The following RIPOR1 variants were observed in gnomAD, a reference collection of about 807,000 sequenced individuals.
The protein encoded by RIPOR1 is rho family-interacting cell polarization regulator 1.
In RIPOR1, 58 loss-of-function variants were observed where a neutral mutation model predicts 116.5. That is an observed-to-expected ratio of 0.50 (90% CI 0.40 to 0.62). The LOEUF (loss-of-function observed/expected upper bound fraction) is 0.62, where lower values mean the gene tolerates loss of function less well. RIPOR1 is among the 20% of genes least tolerant of loss of function. The pLI, the probability that RIPOR1 is intolerant of heterozygous loss-of-function variation, is 0.00. For missense variants in RIPOR1, 1,372 were observed against 1,586.2 expected (o/e 0.86, Z 2.29); for synonymous variants, 605 against 650.0 (o/e 0.93, Z 1.05).
rs757159143 is a variant in RIPOR1 at position 67,542,655 on chromosome 16, C to A, written c.1869C>A (p.Thr623=). The A allele has an allele frequency of 2.5e-6, 4 of 1,613,560 alleles. No individual in the cohort carries two copies. The highest frequency in any genetic ancestry group is 3.4e-6 in the Non-Finnish European group (4 of 1,179,876). The part of the protein sequence containing the change: ...ASPTHTSTSP[T]HTPTSPTHKT... ...CCACTCATACTTCCACAAGCCCCAC[C>A]CATACCCCCACAAGTCCCACCCACA... The change falls in exon 13 of 22, where the codon ACC becomes ACA. Residue 623 remains threonine (T), a synonymous_variant. Transcript: ENST00000042381. The surrounding 1 kb of genome is among the most constrained non-coding windows in gnomAD (Gnocchi z 4.6).
chr16:67,523,521 TAAAAA>T (rs1169903442), intron 1 of RIPOR1, among the ~76,000 whole-genome samples: 1,853 of 44,002 alleles, frequency 0.042, 26 homozygotes, highest in African/African-American at 0.12. Flanking sequence ...CAAGACTCCA[TAAAAA>T]AAAAAAAAAA....
chr16:67,537,790 G>A lies in RIPOR1; in HGVS notation c.-23-634G>A, dbSNP rs1460043206. Among the ~76,000 whole-genome samples, 2 of 152,232 alleles carry A rather than the reference G, an allele frequency of 1.3e-5. No individual in the cohort carries two copies. Among genetic ancestry groups the A allele is most frequent in the East Asian group, 3.9e-4 (2 of 5,164 alleles). On this transcript the variant is annotated intron_variant, in intron 1 of 21. Coordinates refer to ENST00000042381, the MANE Select transcript of RIPOR1 (RefSeq NM_024519.4). This position sits in a 1 kb window ranked among gnomAD's most constrained non-coding sequence, Gnocchi z 4.6. Reference sequence around the variant, plus strand: ...GTGGGAGCCTCAGGAAAGAGGAGGGGGCGGGGCCCTTCTCGGCATCGCGCC... The same window carrying A: ...GTGGGAGCCTCAGGAAAGAGGAGGGAGCGGGGCCCTTCTCGGCATCGCGCC...
At chr16:67,523,540 A>C (rs1347441302) in intron 1 of RIPOR1, among the ~76,000 whole-genome samples, 3 of 150,868 alleles carry the variant, frequency 2.0e-5, no homozygotes, top group East Asian at 1.9e-4. Context: ...AAAAAAAAAA[A>C]AAAAAAAAAC....
At chr16:67,525,387 A>G (rs909212175), upstream of RIPOR1, among the ~76,000 whole-genome samples, 2 of 152,254 alleles carry the variant, frequency 1.3e-5, no homozygotes, top group African/African-American at 4.8e-5. Flanking sequence ...TGCTTGCTGT[A>G]TATCTGGCAA....
In RIPOR1 at chr16:67,540,540, C is replaced by A. The variant is rs757362192; in HGVS notation, c.675+39C>A. 4.3e-6 allele frequency: 7 copies of A among 1,613,960 alleles called. No homozygotes were observed. Among genetic ancestry groups the A allele is most frequent in the Non-Finnish European group, 5.9e-6 (7 of 1,179,998 alleles). On this transcript the variant is annotated intron_variant, in intron 9 of 21. Transcript: ENST00000042381. This position sits in a 1 kb window ranked among gnomAD's most constrained non-coding sequence, Gnocchi z 4.7. ...CAGGGAAGGGCTGGGTCGGTAGGGT[C>A]CCAACACCTAGGCTGCCTCATCCTA...
Position 67,537,364 on chromosome 16 carries a change from C to T in RIPOR1, c.-23-1060C>T. 8.2e-7 allele frequency: 1 copy of T among 1,226,560 alleles called. No homozygotes were observed. The allele number at this position is 1,226,560 out of a possible 1,614,324, so 76.0% of individuals were successfully genotyped here. On this transcript the variant is annotated intron_variant, in intron 1 of 21. Transcript: ENST00000042381. The surrounding 1 kb of genome is among the most constrained non-coding windows in gnomAD (Gnocchi z 4.6). ...AGCAGACCCCTCGCCCCCCGTCGGT[C>T]CCCTCCCCGAGGGGAACCCCAGTCA...
chr16:67,539,827 T>C lies in RIPOR1; in HGVS notation c.361-19T>C, dbSNP rs1388963214. On this transcript the variant is annotated intron_variant, in intron 5 of 21. Coordinates refer to ENST00000042381, the MANE Select transcript of RIPOR1 (RefSeq NM_024519.4). ...AGGACCCTGGGCCTCAGGCCCCTCC[T>C]GACCCACCTCTCCCCCAGCAAGTCA... The C allele has an allele frequency of 2.5e-6, 4 of 1,614,068 alleles. No homozygotes were observed. The highest frequency in any genetic ancestry group is 2.5e-6 in the Non-Finnish European group (3 of 1,180,030).
rs367603803 is a variant in RIPOR1 at position 67,545,934 on chromosome 16, C to T, written c.3388-15C>T. 4 of 1,613,770 alleles carry T rather than the reference C, an allele frequency of 2.5e-6. No homozygotes were observed. Among genetic ancestry groups the T allele is most frequent in the African/African-American group, 2.7e-5 (2 of 74,878 alleles). ...CCCACTGTCTGGCTAAGTCTGTCCTCCCACCCTTCCACAGGCCCTCCTGTG... is the reference window on the plus strand; with the variant it reads ...CCCACTGTCTGGCTAAGTCTGTCCTTCCACCCTTCCACAGGCCCTCCTGTG... On this transcript the variant is annotated splice_polypyrimidine_tract_variant and intron_variant, in intron 19 of 21. Coordinates refer to ENST00000042381, the MANE Select transcript of RIPOR1 (RefSeq NM_024519.4). The surrounding 1 kb of genome is among the most constrained non-coding windows in gnomAD (Gnocchi z 4.8).
rs2050998909 is a variant in RIPOR1, at chr16:67,541,904, C to T, written c.1118C>T (p.Thr373Ile). 1 of 1,611,166 alleles carries T rather than the reference C, an allele frequency of 6.2e-7. No individual in the cohort carries two copies. The highest frequency in any genetic ancestry group is 8.5e-7 in the Non-Finnish European group (1 of 1,178,356). ...CGGCAGGAGGAGCTGGAGAATGGGA[C>T]AGCATGGTCCCTGTCATCTGAATCT... ...LRRQEELENG[T>I]AWSLSSESSD... Residue 373 changes from threonine to isoleucine, a missense_variant, in exon 13 of 22, where the codon ACA becomes ATA. Around this residue, in one of 3 missense-constraint regions of RIPOR1, gnomAD observed 1,005 missense variants for 1,144.7 expected, o/e 0.88. Transcript: ENST00000042381. This position sits in a 1 kb window ranked among gnomAD's most constrained non-coding sequence, Gnocchi z 4.6.
In RIPOR1 at chr16:67,544,719, C is replaced by T. The variant is rs775017036; in HGVS notation, c.2758C>T (p.Arg920Cys). 32 of 1,613,214 alleles carry T rather than the reference C, an allele frequency of 2.0e-5. No homozygotes were observed. The highest frequency in any genetic ancestry group is 1.0e-5 in the Non-Finnish European group (12 of 1,179,960). ...LLKLGTFGPL[R>C]CQEAWALERL... ...GAAACTGGGCACATTTGGGCCCCTG[C>T]GCTGCCAGGAGGCATGGGCCCTGGA... Residue 920 changes from arginine (R) to cysteine (C), a missense_variant, in exon 16 of 22, where the codon CGC (arginine) becomes TGC (cysteine). Physicochemically the swap from Arg to Cys is radical, Grantham distance 180 (BLOSUM62 -3). Transcript: ENST00000042381. This position sits in a 1 kb window ranked among gnomAD's most constrained non-coding sequence, Gnocchi z 5.1.
upstream of RIPOR1, among the ~76,000 whole-genome samples, chr16:67,525,620 T>C (rs1281223496): frequency 5.3e-5 from 8 of 152,214 alleles, no homozygotes; most frequent in Non-Finnish European, 7.4e-5. Flanking sequence ...TGGGGGTTCA[T>C]TGCGGCTCTC....
intron 1 of RIPOR1, among the ~76,000 whole-genome samples, chr16:67,536,875 C>G (rs1166938570): frequency 2.0e-5 from 3 of 152,098 alleles, no homozygotes; most frequent in Non-Finnish European, 4.4e-5. Flanking sequence ...TACTATCCAC[C>G]TTCTCACACT....
intron 4 of RIPOR1, 95 bp from the exon 5 acceptor site, chr16:67,539,633 G>C: frequency 7.1e-7 from 1 of 1,415,214 alleles, no homozygotes; most frequent in Non-Finnish European, 1.0e-6. Context: ...TGTGGACTGT[G>C]GTGTGAGAAA....
chr16:67,541,581 T>C lies in RIPOR1; in HGVS notation c.950+3T>C, dbSNP rs1379900583. 6.2e-7 allele frequency: 1 copy of C among 1,614,056 alleles called. No individual in the cohort carries two copies. Among genetic ancestry groups the C allele is most frequent in the Admixed American group, 1.7e-5 (1 of 60,012 alleles). ...CTCAGCCTGGAAGTCACATGGAGGT[T>C]GGTGGGGCTGAGAGGCTTGGAGGAG... On this transcript the variant is annotated splice_donor_region_variant and intron_variant, in intron 11 of 21. Coordinates refer to ENST00000042381, the MANE Select transcript of RIPOR1 (RefSeq NM_024519.4). This position sits in a 1 kb window ranked among gnomAD's most constrained non-coding sequence, Gnocchi z 4.6.
In RIPOR1 at chr16:67,545,129, G is replaced by T; in HGVS notation, c.3031+12G>T. On this transcript the variant is annotated intron_variant, in intron 17 of 21. Transcript: ENST00000042381. The surrounding 1 kb of genome is among the most constrained non-coding windows in gnomAD (Gnocchi z 4.8). ...CTTGGCTGAGGCTGGTGAGTGGGCT[G>T]CTTCCTCCTTCCACCCTTGCTCAGA... 6.2e-7 allele frequency: 1 copy of T among 1,610,152 alleles called. No homozygotes were observed.
chr16:67,538,388 C>A, intron 1 of RIPOR1, 36 bp from the exon 2 acceptor site: 1 of 1,528,080 alleles, frequency 6.5e-7, no homozygotes, highest in South Asian at 1.2e-5. Context: ...CTTCGGGGAT[C>A]CGACTGGTAC....
intron 4 of RIPOR1, chr16:67,539,333 C>T: frequency 1.9e-6 from 1 of 529,570 alleles, no homozygotes. Context: ...GATTCTGCTG[C>T]AGTGGTACTG....
chr16:67,539,951 G>A (rs767055726), intron 6 of RIPOR1, 52 bp downstream of exon 6: 41 of 1,613,774 alleles, frequency 2.5e-5, no homozygotes, highest in Non-Finnish European at 3.0e-5. Context: ...ATATCATAGG[G>A]AGAAGAGGGG....
At chr16:67,523,521 TAAA>T (rs1169903442) in intron 1 of RIPOR1, among the ~76,000 whole-genome samples, 2,148 of 43,772 alleles carry the variant, frequency 0.049, 16 homozygotes, top group African/African-American at 0.072. Context: ...CAAGACTCCA[TAAA>T]AAAAAAAAAA....
Sources: gnomAD v4.1 joint callset for allele counts (sites outside exome capture counted in the v4.1 genomes callset) on GRCh38, gnomAD v4.1.1 for gene constraint, gnomAD v4.1.1 regional missense constraint, Gnocchi (gnomAD v3.1) non-coding constraint, MANE v1.5 for transcripts, NCBI Gene and HGNC (gene_info 2026-07-23, HGNC 2026-07-21) for gene names.